Variants in CHD9 observed in about 807,000 individuals in gnomAD.
CHD9 encodes the protein chromodomain helicase DNA binding protein 9, also known as ATP-dependent chromatin remodeler CHD9.
In CHD9, 77 loss-of-function variants were observed where a neutral mutation model predicts 316.1. The ratio of observed to expected loss-of-function variants is 0.24; its 90% CI spans 0.20 to 0.29. CHD9 has a LOEUF of 0.29. Among genes scored for constraint, CHD9 ranks in the 10% least tolerant of loss-of-function variants. CHD9 has a pLI of 1.00. For missense variants in CHD9, 2,763 were observed against 3,438.1 expected (o/e 0.80, Z 4.91); for synonymous variants, 1,129 against 1,158.3 (o/e 0.97, Z 0.51).
intron 5 of CHD9, chr16:53,227,126 GATTAA>G (rs1314549653): frequency 3.4e-5 from 9 of 261,088 alleles, no homozygotes; most frequent in Admixed American, 3.0e-4. Flanking sequence ...GAAGATAATA[GATTAA>G]ATTAATATAT....
intron 27 of CHD9, among the ~76,000 whole-genome samples, chr16:53,290,734 C>T (rs908183919): frequency 6.6e-6 from 1 of 151,814 alleles, no homozygotes; most frequent in African/African-American, 2.4e-5. Flanking sequence ...GGTGTGTTCA[C>T]GCCACTGCAC....
At chr16:53,171,069 CT>C (rs946562503) in intron 2 of CHD9, among the ~76,000 whole-genome samples, 50 of 152,146 alleles carry the variant, frequency 3.3e-4, no homozygotes, top group African/African-American at 1.2e-3. Context: ...ATCAGTTATG[CT>C]TTTGTGTTTC....
chr16:53,301,919 C>T (rs1450023956), intron 30 of CHD9, among the ~76,000 whole-genome samples: 4 of 151,926 alleles, frequency 2.6e-5, no homozygotes, highest in Admixed American at 6.6e-5. Context: ...TGGCTGCCAC[C>T]ACACCCGGCT....
At chr16:53,242,595 GA>G (rs200442142) in intron 12 of CHD9, among the ~76,000 whole-genome samples, 316 of 152,118 alleles carry the variant, frequency 2.1e-3, no homozygotes, top group African/African-American at 7.4e-3. Context: ...ATTTTACCAA[GA>G]AATACTTATT....
intron 29 of CHD9, among the ~76,000 whole-genome samples, 184 bp from the exon 30 acceptor site, chr16:53,296,772 A>AT: frequency 6.6e-6 from 1 of 152,292 alleles, no homozygotes; most frequent in East Asian, 1.9e-4. Context: ...TCTAAAAAAA[A>AT]GTATGGTTGG....
At position 53,304,241 on chromosome 16, in the gene CHD9, A is replaced by C; in HGVS notation, c.6235A>C (p.Ser2079Arg). 6.2e-7 allele frequency: 1 copy of C among 1,611,176 alleles called. No individual in the cohort carries two copies. The highest frequency in any genetic ancestry group is 8.5e-7 in the Non-Finnish European group (1 of 1,178,818). The change falls in exon 31 of 39, where the codon AGT (serine) becomes CGT (arginine). Residue 2079 changes from serine (S) to arginine (R), a missense_variant. Coordinates refer to ENST00000447540, the MANE Select transcript of CHD9 (RefSeq NM_001308319.2). ...TRTLIKSEPV[S>R]PKNGVLPQAT... ...GACACTAATAAAATCTGAGCCTGTA[A>C]GTCCAAAGAATGGTGTTTTACCACA...
intron 22 of CHD9, among the ~76,000 whole-genome samples, chr16:53,271,896 A>G (rs1439721813): frequency 6.6e-6 from 1 of 152,202 alleles, no homozygotes; most frequent in Non-Finnish European, 1.5e-5. Flanking sequence ...ATTTTTAAGT[A>G]TGTACTATTT....
intron 5 of CHD9, among the ~76,000 whole-genome samples, chr16:53,226,769 GCAGAATATTTCTAAATTA>G (rs2047688952): frequency 6.6e-6 from 1 of 151,974 alleles, no homozygotes; most frequent in East Asian, 1.9e-4. Context: ...TATCTTTTCT[GCAGAATATTTCTAAATTA>G]CAAGTTTAAT....
chr16:53,063,225 A>C (rs899513393), intron 1 of CHD9, among the ~76,000 whole-genome samples: 3 of 152,126 alleles, frequency 2.0e-5, no homozygotes, highest in African/African-American at 4.8e-5. Flanking sequence ...CTACTGAGCA[A>C]ACAGGCATAG....
intron 2 of CHD9, among the ~76,000 whole-genome samples, chr16:53,162,336 T>G (rs1056051750): frequency 1.3e-5 from 2 of 152,210 alleles, no homozygotes; most frequent in Non-Finnish European, 2.9e-5. Flanking sequence ...AAGACTAACA[T>G]AGGGAAAATA....
At chr16:53,280,316 T>G (rs758259775) in intron 24 of CHD9, among the ~76,000 whole-genome samples, 12 of 152,110 alleles carry the variant, frequency 7.9e-5, no homozygotes, top group African/African-American at 1.2e-4. Context: ...CTGTGGTATA[T>G]ATGTATATAT....
At chr16:53,110,598 C>T (rs1007290687) in intron 1 of CHD9, among the ~76,000 whole-genome samples, 1 of 152,072 alleles carries the variant, frequency 6.6e-6, no homozygotes, top group Non-Finnish European at 1.5e-5. Context: ...CTGTCTCTTC[C>T]AGAAATGCAG....
At chr16:53,249,363 A>G (rs183893306) in intron 16 of CHD9, among the ~76,000 whole-genome samples, 93 of 152,296 alleles carry the variant, frequency 6.1e-4, no homozygotes, top group African/African-American at 2.0e-3. Flanking sequence ...GGGGAAGGAT[A>G]AAGGAAGTTA....
chr16:53,079,636 G>A (rs766911448), intron 1 of CHD9, among the ~76,000 whole-genome samples: 7 of 152,126 alleles, frequency 4.6e-5, no homozygotes, highest in Non-Finnish European at 8.8e-5. Flanking sequence ...CTCAGGGTAT[G>A]GCTGGTCACC....
chr16:53,131,264 C>A, intron 1 of CHD9: 1 of 150,408 alleles, frequency 6.6e-6, no homozygotes, highest in South Asian at 1.8e-4. Context: ...GGGGGCGCCT[C>A]AGTCATGGCG....
chr16:53,255,853 C>T (rs1233729137), intron 19 of CHD9, 74 bp downstream of exon 19: 2 of 1,342,302 alleles, frequency 1.5e-6, no homozygotes, highest in East Asian at 4.6e-5. Context: ...TTAATTATCT[C>T]TTATACCGAA....
At chr16:53,105,114 A>T (rs2037220784) in intron 1 of CHD9, among the ~76,000 whole-genome samples, 1 of 152,168 alleles carries the variant, frequency 6.6e-6, no homozygotes. Context: ...AAGTGCTGGG[A>T]TTACAGACAT....
At chr16:53,127,715 G>T (rs752621405) in intron 1 of CHD9, among the ~76,000 whole-genome samples, 1 of 152,198 alleles carries the variant, frequency 6.6e-6, no homozygotes, top group Non-Finnish European at 1.5e-5. Flanking sequence ...GAGGTCAGGA[G>T]TTCAAGACCA....
chr16:53,161,283 T>C (rs557141655), intron 2 of CHD9, among the ~76,000 whole-genome samples: 25 of 152,336 alleles, frequency 1.6e-4, no homozygotes, highest in African/African-American at 6.0e-4. Flanking sequence ...ATCTTAAATA[T>C]ATGAAATGCA....
Sources: allele counts gnomAD v4.1 joint callset (sites outside exome capture counted in the v4.1 genomes callset), GRCh38; gene constraint gnomAD v4.1.1; transcripts MANE v1.5; gene names NCBI Gene and HGNC (gene_info 2026-07-23, HGNC 2026-07-21).